Variants in ARID1A observed in about 807,000 individuals in gnomAD.
ARID1A encodes the protein AT-rich interactive domain-containing protein 1A.
Under a neutral mutation model 212.6 loss-of-function variants are expected in ARID1A, and 20 were observed. The observed-to-expected ratio is 0.09, with a 90% CI of 0.07 to 0.14. The LOEUF (loss-of-function observed/expected upper bound fraction) is 0.14, where lower values mean the gene tolerates loss of function less well. Among genes scored for constraint, ARID1A ranks in the 10% least tolerant of loss-of-function variants. The pLI is 1.00. For synonymous variants in ARID1A, 1,376 were observed against 1,222.1 expected (o/e 1.13, Z -2.63); for missense variants, 2,587 against 3,059.0 (o/e 0.85, Z 3.64).
At position 26,779,964 on chromosome 1, in the gene ARID1A, A is replaced by G. The variant is rs2124145512; in HGVS notation, c.6066A>G (p.Pro2022=). The change falls in exon 20 of 20, where the codon CCA becomes CCG. Residue 2022 remains proline (P), a synonymous_variant. Transcript: ENST00000324856. ...GKLILLHHKH[P]ERKQAPLTYE... ...TGATCCTGCTGCACCACAAGCACCC[A>G]GAACGGAAGCAGGCACCACTAACTT... 2 of 1,614,182 alleles carry G rather than the reference A, an allele frequency of 1.2e-6. No individual in the cohort carries two copies. Among genetic ancestry groups the G allele is most frequent in the Non-Finnish European group, 1.7e-6 (2 of 1,180,014 alleles).
chr1:26,710,498 C>CACACACACACAT (rs1201318263), intron 1 of ARID1A, among the ~76,000 whole-genome samples: 24 of 146,972 alleles, frequency 1.6e-4, no homozygotes, highest in Non-Finnish European at 3.0e-4. Flanking sequence ...AATACATACA[C>CACACACACACAT]ACACACACAC....
intron 1 of ARID1A, among the ~76,000 whole-genome samples, chr1:26,700,527 AC>A (rs1418817154): frequency 6.6e-6 from 1 of 152,234 alleles, no homozygotes; most frequent in Non-Finnish European, 1.5e-5. Flanking sequence ...TAGATTACTT[AC>A]ACACATGAAG....
intron 1 of ARID1A, among the ~76,000 whole-genome samples, chr1:26,705,669 G>A (rs560914624): frequency 6.6e-6 from 1 of 152,278 alleles, no homozygotes; most frequent in South Asian, 2.1e-4. Context: ...GGTTTTAGAG[G>A]AATCCAAGTT....
chr1:26,737,330 C>T (rs2080743576), intron 4 of ARID1A, among the ~76,000 whole-genome samples: 1 of 152,094 alleles, frequency 6.6e-6, no homozygotes, highest in Non-Finnish European at 1.5e-5. Flanking sequence ...GTTGCCCAGG[C>T]TGGTCTCGAA....
At chr1:26,709,032 A>T (rs766904813) in intron 1 of ARID1A, among the ~76,000 whole-genome samples, 38 of 152,132 alleles carry the variant, frequency 2.5e-4, no homozygotes, top group Non-Finnish European at 5.1e-4. Flanking sequence ...GGAAATGAAC[A>T]CATAAAGTTG....
In ARID1A at chr1:26,781,988, G is replaced by T. The variant is rs2124157687; in HGVS notation, c.*1232G>T. On this transcript the variant is annotated 3_prime_UTR_variant, in exon 20 of 20. Coordinates refer to ENST00000324856, the MANE Select transcript of ARID1A (RefSeq NM_006015.6). ...TATTTCAACAATGTAGCTAAAACTT[G>T]ATGTAAATTCCTCCTTTTTTTCCTT... 4.3e-6 allele frequency: 1 copy of T among 232,770 alleles called. No homozygotes were observed. Among genetic ancestry groups the T allele is most frequent in the East Asian group, 6.1e-5 (1 of 16,510 alleles). The allele number at this position is 232,770 out of a possible 1,614,324, so 14.4% of individuals were successfully genotyped here.
chr1:26,740,338 A>G (rs1043261276), intron 4 of ARID1A, among the ~76,000 whole-genome samples: 10 of 152,240 alleles, frequency 6.6e-5, no homozygotes, highest in African/African-American at 2.2e-4. Flanking sequence ...ACAGAAGACC[A>G]TGTGCCTGTA....
In ARID1A at chr1:26,779,606, C is replaced by T. The variant is rs2081171604; in HGVS notation, c.5708C>T (p.Pro1903Leu). 1.2e-6 allele frequency: 2 copies of T among 1,614,012 alleles called. No individual in the cohort carries two copies. Among genetic ancestry groups the T allele is most frequent in the African/African-American group, 1.3e-5 (1 of 74,890 alleles). The change falls in exon 20 of 20, where the codon CCA (proline) becomes CTA (leucine). Residue 1903 changes from proline (P) to leucine (L), a missense_variant. By Grantham distance (98) the Pro-to-Leu change is moderately conservative. Coordinates refer to ENST00000324856, the MANE Select transcript of ARID1A (RefSeq NM_006015.6). The part of the protein sequence containing the change: ...DQEGPPPDGP[P>L]EKRITATMDD... ...GAGGGGCCCCCACCTGATGGACCTCCAGAAAAACGGATCACAGCCACTATG... is the reference window on the plus strand; with the variant it reads ...GAGGGGCCCCCACCTGATGGACCTCTAGAAAAACGGATCACAGCCACTATG...
At chr1:26,762,457 A>C (rs1388773695) in intron 7 of ARID1A, 138 bp downstream of exon 7, 2 of 943,688 alleles carry the variant, frequency 2.1e-6, no homozygotes, top group African/African-American at 3.4e-5. Flanking sequence ...CCAGGCCCTG[A>C]AGTAGGGCAA....
At chr1:26,754,769 C>A (rs974895251) in intron 4 of ARID1A, among the ~76,000 whole-genome samples, 3 of 152,174 alleles carry the variant, frequency 2.0e-5, no homozygotes, top group African/African-American at 7.2e-5. Context: ...CCACCACTTG[C>A]CAGATGACCT....
chr1:26,718,035 T>G (rs1404257094), intron 1 of ARID1A, among the ~76,000 whole-genome samples: 1 of 152,140 alleles, frequency 6.6e-6, no homozygotes, highest in East Asian at 1.9e-4. Flanking sequence ...AGTGCAAAGG[T>G]GCAATCTTGG....
chr1:26,701,597 A>T (rs2080332466), intron 1 of ARID1A, among the ~76,000 whole-genome samples: 1 of 152,132 alleles, frequency 6.6e-6, no homozygotes, highest in African/African-American at 2.4e-5. Context: ...CTCCCTCATC[A>T]ATAAAATGAA....
chr1:26,763,417 C>A (rs2081010783), intron 8 of ARID1A, 132 bp downstream of exon 8: 4 of 1,087,480 alleles, frequency 3.7e-6, no homozygotes, highest in South Asian at 1.7e-5. Flanking sequence ...TTAATTCTTA[C>A]ATACCTTAGA....
At chr1:26,729,129 A>T (rs949655270) in intron 1 of ARID1A, 1 of 157,122 alleles carries the variant, frequency 6.4e-6, no homozygotes, top group African/African-American at 2.4e-5. Flanking sequence ...CCATTCCCTC[A>T]ACTGTCACTT....
chr1:26,760,180 T>C (rs879865618), intron 4 of ARID1A, among the ~76,000 whole-genome samples: 1 of 152,214 alleles, frequency 6.6e-6, no homozygotes, highest in Admixed American at 6.5e-5. Flanking sequence ...GTAGAAGTTA[T>C]GACTGGGAAA....
chr1:26,729,522 C>T, intron 1 of ARID1A, 129 bp from the exon 2 acceptor site: 1 of 1,081,148 alleles, frequency 9.2e-7, no homozygotes, highest in Non-Finnish European at 1.4e-6. Context: ...AGGTTGGTCT[C>T]ATTGCTCTTT....
intron 1 of ARID1A, among the ~76,000 whole-genome samples, chr1:26,701,612 G>A (rs539527264): frequency 6.6e-6 from 1 of 152,236 alleles, no homozygotes; most frequent in South Asian, 2.1e-4. Flanking sequence ...AATGAAGTTG[G>A]TCTGCATGGC....
intron 2 of ARID1A, among the ~76,000 whole-genome samples, chr1:26,730,562 G>C (rs1435525879): frequency 6.6e-6 from 1 of 152,132 alleles, no homozygotes. Flanking sequence ...TTCCAATAGA[G>C]GAGAGATGAG....
At chr1:26,753,075 C>T (rs544349650) in intron 4 of ARID1A, 1 of 152,332 alleles carries the variant, frequency 6.6e-6, no homozygotes, top group African/African-American at 2.4e-5. Flanking sequence ...CTGATGTCAT[C>T]CTCATGTGGC....
Sources: allele counts gnomAD v4.1 joint callset (sites outside exome capture counted in the v4.1 genomes callset), GRCh38; gene constraint gnomAD v4.1.1; transcripts MANE v1.5; gene names NCBI Gene and HGNC (gene_info 2026-07-23, HGNC 2026-07-21).